The following ADAM2 variants were observed in gnomAD, a reference collection of about 807,000 sequenced individuals.
The protein encoded by ADAM2 is ADAM metallopeptidase domain 2, also known as disintegrin and metalloproteinase domain-containing protein 2.
A neutral mutation model predicts 99.3 loss-of-function variants in ADAM2; 101 were observed. The ratio of observed to expected loss-of-function variants is 1.02; its 90% CI spans 0.87 to 1.20. The LOEUF (loss-of-function observed/expected upper bound fraction) is 1.20, where lower values mean the gene tolerates loss of function less well. Ranked by LOEUF, ADAM2 falls within the 50% of genes most tolerant of loss-of-function variation. ADAM2 has a pLI of 0.00. For missense variants in ADAM2, 948 were observed against 878.7 expected, an observed-to-expected ratio of 1.08 and a Z score of -1.00; for synonymous variants, 323 against 287.6, an observed-to-expected ratio of 1.12 and a Z score of -1.25.
intron 16 of ADAM2, among the ~76,000 whole-genome samples, chr8:39,754,967 A>G (rs1374475579): frequency 6.6e-6 from 1 of 152,204 alleles, no homozygotes; most frequent in Non-Finnish European, 1.5e-5. Context: ...TCTATGAAAA[A>G]TTGATGGAAG....
intron 11 of ADAM2, among the ~76,000 whole-genome samples, chr8:39,770,504 A>G (rs1011074421): frequency 4.6e-5 from 7 of 152,184 alleles, no homozygotes; most frequent in Non-Finnish European, 1.0e-4. Context: ...ACAGTGTTTC[A>G]GAATGTGGAC....
chr8:39,785,263 G>GTGTATGGTA (rs1803417062), intron 10 of ADAM2, among the ~76,000 whole-genome samples: 2 of 152,116 alleles, frequency 1.3e-5, no homozygotes, highest in African/African-American at 2.4e-5. Flanking sequence ...TTATTCTTCT[G>GTGTATGGTA]TGTATGGCTA....
rs1295863422 is a variant in ADAM2 at position 39,744,842 on chromosome 8, G to T, written c.*18C>A. 2 of 1,584,648 alleles carry T rather than the reference G, an allele frequency of 1.3e-6. No individual in the cohort carries two copies. Among genetic ancestry groups the T allele is most frequent in the Non-Finnish European group, 1.7e-6 (2 of 1,166,468 alleles). ...GAAAGAAACTCACAGTGATATCATGGCATCTCTGTTGTCCAGACTACCCTT... is the reference window on the plus strand; with the variant it reads ...GAAAGAAACTCACAGTGATATCATGTCATCTCTGTTGTCCAGACTACCCTT... On this transcript the variant is annotated 3_prime_UTR_variant, in exon 20 of 21. Transcript: ENST00000265708.
intron 7 of ADAM2, among the ~76,000 whole-genome samples, chr8:39,794,462 C>T (rs1324288981): frequency 6.6e-6 from 1 of 152,018 alleles, no homozygotes; most frequent in African/African-American, 2.4e-5. Flanking sequence ...CTCATATAGT[C>T]CTTTACCCAA....
At chr8:39,824,445 T>C (rs1009351797) in intron 4 of ADAM2, among the ~76,000 whole-genome samples, 2 of 152,184 alleles carry the variant, frequency 1.3e-5, no homozygotes, top group Admixed American at 1.3e-4. Context: ...ACTTCATGTG[T>C]ACTTATTTGG....
intron 8 of ADAM2, 100 bp downstream of exon 8, chr8:39,788,569 T>G (rs1803571865): frequency 1.3e-6 from 1 of 775,590 alleles, no homozygotes; most frequent in Admixed American, 2.9e-5. Flanking sequence ...TAATTTCCCT[T>G]ATGCCACACA....
chr8:39,819,323 T>C (rs1805080912), intron 6 of ADAM2, among the ~76,000 whole-genome samples: 1 of 152,104 alleles, frequency 6.6e-6, no homozygotes, highest in Non-Finnish European at 1.5e-5. Context: ...TGGATATTGA[T>C]ATAAAAAAAT....
intron 3 of ADAM2, among the ~76,000 whole-genome samples, chr8:39,832,696 G>T (rs886458608): frequency 6.6e-6 from 1 of 152,096 alleles, no homozygotes; most frequent in Non-Finnish European, 1.5e-5. Context: ...TCTGATGAAG[G>T]CTTTGTAATT....
At chr8:39,775,179 A>G (rs531650624) in intron 11 of ADAM2, among the ~76,000 whole-genome samples, 24 of 152,248 alleles carry the variant, frequency 1.6e-4, no homozygotes, top group Admixed American at 1.4e-3. Flanking sequence ...GAGTGCGTAC[A>G]TTTCATTTTA....
At chr8:39,758,856 A>T (rs1284251095) in intron 15 of ADAM2, among the ~76,000 whole-genome samples, 1 of 152,038 alleles carries the variant, frequency 6.6e-6, no homozygotes, top group Non-Finnish European at 1.5e-5. Context: ...CAAAATAATG[A>T]TAGTAATGTA....
rs574129963 is a variant in ADAM2, at chr8:39,830,236, C to T, written c.188+3708G>A. ...AGGAGACCTATTTCCCAGTTTCCAT[C>T]ACCACTCTTGATATTGAAATGACAG... On this transcript the variant is annotated intron_variant, in intron 3 of 20. Coordinates refer to ENST00000265708, the MANE Select transcript of ADAM2 (RefSeq NM_001464.5). Among the ~76,000 whole-genome samples the T allele has an allele frequency of 2.5e-4, 38 of 152,206 alleles. 1 individual carries two copies. The South Asian group carries it at 3.5e-3, about 14-fold the overall frequency.
chr8:39,750,079 C>G (rs1823665066), intron 16 of ADAM2, among the ~76,000 whole-genome samples: 1 of 152,002 alleles, frequency 6.6e-6, no homozygotes, highest in Non-Finnish European at 1.5e-5. Context: ...GCGTAAAATA[C>G]AGGAAATGTG....
chr8:39,758,933 A>G (rs1802252004), intron 15 of ADAM2, among the ~76,000 whole-genome samples: 1 of 152,096 alleles, frequency 6.6e-6, no homozygotes, highest in Non-Finnish European at 1.5e-5. Context: ...TAAGTAAATA[A>G]AAATATAGAA....
At chr8:39,754,619 GT>G (rs908147206) in intron 16 of ADAM2, among the ~76,000 whole-genome samples, 52 of 152,230 alleles carry the variant, frequency 3.4e-4, no homozygotes, top group African/African-American at 1.2e-3. Flanking sequence ...TTGAATGACA[GT>G]TTTTTTATTT....
intron 16 of ADAM2, 27 bp downstream of exon 16, chr8:39,755,701 A>G: frequency 6.4e-7 from 1 of 1,565,548 alleles, no homozygotes; most frequent in East Asian, 2.3e-5. Flanking sequence ...ATATTAGGAA[A>G]TTATTTGGGA....
At position 39,807,428 on chromosome 8, in the gene ADAM2, G is replaced by A. The variant is rs114261360; in HGVS notation, c.570+1982C>T. On this transcript the variant is annotated intron_variant, in intron 7 of 20. Transcript: ENST00000265708. ...ATGAACACATTTTGTCTGGGAGAAGGACACGAATATGGGGAAGTGAGGGCT... is the reference window on the plus strand; with the variant it reads ...ATGAACACATTTTGTCTGGGAGAAGAACACGAATATGGGGAAGTGAGGGCT... Among the ~76,000 whole-genome samples, 638 of 152,276 alleles carry A rather than the reference G, an allele frequency of 4.2e-3. 5 individuals are homozygous for A. The highest frequency in any genetic ancestry group is 0.014 in the African/African-American group (597 of 41,556).
At chr8:39,801,759 A>T (rs1804223322) in intron 7 of ADAM2, among the ~76,000 whole-genome samples, 1 of 151,990 alleles carries the variant, frequency 6.6e-6, no homozygotes, top group Non-Finnish European at 1.5e-5. Context: ...ACTGAGGAGG[A>T]TGTGTCAGGA....
intron 2 of ADAM2, among the ~76,000 whole-genome samples, chr8:39,834,363 T>C (rs1238815410): frequency 6.6e-6 from 1 of 152,146 alleles, no homozygotes; most frequent in Non-Finnish European, 1.5e-5. Flanking sequence ...TTCCTTCTGA[T>C]TTTGGATGCT....
At chr8:39,782,823 T>G (rs1803290132) in intron 10 of ADAM2, among the ~76,000 whole-genome samples, 1 of 152,168 alleles carries the variant, frequency 6.6e-6, no homozygotes, top group Admixed American at 6.5e-5. Flanking sequence ...AAAAATTAGT[T>G]TGAGCTTTGA....
Sources: gnomAD v4.1 joint callset for allele counts (sites outside exome capture counted in the v4.1 genomes callset) on GRCh38, gnomAD v4.1.1 for gene constraint, MANE v1.5 for transcripts, NCBI Gene and HGNC (gene_info 2026-07-23, HGNC 2026-07-21) for gene names.